UBE2QL1: variants seen among roughly 807,000 people sequenced by gnomAD.
UBE2QL1 encodes the protein ubiquitin-conjugating enzyme E2Q-like protein 1.
UBE2QL1 carries 5 observed loss-of-function variants against 12.6 expected under a neutral mutation model. That is an observed-to-expected ratio of 0.40 (90% confidence interval 0.21 to 0.83). The LOEUF is 0.83. Ranked by LOEUF, UBE2QL1 falls within the 40% of genes least tolerant of loss-of-function variation. UBE2QL1 has a pLI of 0.37. For synonymous variants in UBE2QL1, 96 were observed against 94.5 expected (o/e 1.02, Z -0.10); for missense variants, 99 against 222.6 (o/e 0.44, Z 3.53).
In UBE2QL1 at chr5:6,481,416, A is replaced by C. The variant is rs981434452; in HGVS notation, c.355-9802A>C. ...TGACATGGGTGCAGCGGCTAGGTGC[A>C]GGGAGGGTGACCTGCTCACGGGCCT... On this transcript the variant is annotated intron_variant, in intron 1 of 1. Transcript: ENST00000399816. This position sits in a 1 kb window ranked among gnomAD's most constrained non-coding sequence, Gnocchi z 4.5. 6.6e-6 allele frequency among the ~76,000 whole-genome samples: 1 copy of C among 152,214 alleles called. No individual in the cohort carries two copies. Among genetic ancestry groups the C allele is most frequent in the Non-Finnish European group, 1.5e-5 (1 of 68,036 alleles).
At chr5:6,473,450 C>T (rs1021133310) in intron 1 of UBE2QL1, among the ~76,000 whole-genome samples, 1 of 152,230 alleles carries the variant, frequency 6.6e-6, no homozygotes, top group Admixed American at 6.5e-5. Flanking sequence ...GCCCGACTGT[C>T]TCCACCCGGA....
chr5:6,461,539 C>T (rs1469303941), intron 1 of UBE2QL1, among the ~76,000 whole-genome samples: 3 of 64,032 alleles, frequency 4.7e-5, no homozygotes, highest in Non-Finnish European at 1.0e-4. Flanking sequence ...TTTCAGCACC[C>T]ACCACCCCCC....
intron 1 of UBE2QL1, 95 bp downstream of exon 1, chr5:6,449,342 C>G (rs1345472404): frequency 8.5e-7 from 1 of 1,177,058 alleles, no homozygotes; most frequent in Non-Finnish European, 1.1e-6. Flanking sequence ...CCAGCGCCGG[C>G]CCCTCCGGCC....
chr5:6,482,975 A>G (rs1282527713), intron 1 of UBE2QL1, among the ~76,000 whole-genome samples: 1 of 152,190 alleles, frequency 6.6e-6, no homozygotes, highest in Non-Finnish European at 1.5e-5. Flanking sequence ...AAAACTGCAC[A>G]TCCGTGGTTG....
At chr5:6,459,375 G>A (rs1245690982) in intron 1 of UBE2QL1, among the ~76,000 whole-genome samples, 1 of 152,172 alleles carries the variant, frequency 6.6e-6, no homozygotes, top group Non-Finnish European at 1.5e-5. Context: ...CCTGGCATCT[G>A]CCTTTTCATA....
chr5:6,473,899 G>T (rs1734155499), intron 1 of UBE2QL1, among the ~76,000 whole-genome samples: 1 of 151,664 alleles, frequency 6.6e-6, no homozygotes. Flanking sequence ...ATATACCTGG[G>T]ATTAACTTTT....
At chr5:6,451,209 A>G (rs1422635891) in intron 1 of UBE2QL1, among the ~76,000 whole-genome samples, 2 of 151,614 alleles carry the variant, frequency 1.3e-5, no homozygotes, top group Non-Finnish European at 2.9e-5. Flanking sequence ...TATATTTTGA[A>G]AGATGCGAGA....
intron 1 of UBE2QL1, among the ~76,000 whole-genome samples, chr5:6,468,701 ACTT>A (rs1739845371): frequency 6.6e-6 from 1 of 152,190 alleles, no homozygotes; most frequent in Non-Finnish European, 1.5e-5. Context: ...CTTCAATTCT[ACTT>A]CTTAGGAGAA....
chr5:6,471,234 C>T (rs1404828379), intron 1 of UBE2QL1, among the ~76,000 whole-genome samples: 1 of 152,194 alleles, frequency 6.6e-6, no homozygotes, highest in Non-Finnish European at 1.5e-5. Context: ...TTATCTCCTG[C>T]AGCATAGCCC....
rs866526913 is a variant in UBE2QL1, at chr5:6,491,214, G to T, written c.355-4G>T. The T allele has an allele frequency of 3.2e-6, 5 of 1,542,132 alleles. No homozygotes were observed. The highest frequency in any genetic ancestry group is 4.4e-6 in the Non-Finnish European group (5 of 1,143,526). On this transcript the variant is annotated splice_region_variant and splice_polypyrimidine_tract_variant and intron_variant, in intron 1 of 1. Coordinates refer to ENST00000399816, the MANE Select transcript of UBE2QL1 (RefSeq NM_001145161.3). Reference sequence around the variant, plus strand: ...AACCTGGTTTTTCTTCTCATCTCACGCAGGGACGGATCTGTAGAAAAGCTG... The same window carrying T: ...AACCTGGTTTTTCTTCTCATCTCACTCAGGGACGGATCTGTAGAAAAGCTG...
intron 1 of UBE2QL1, among the ~76,000 whole-genome samples, chr5:6,459,268 C>T (rs1739600629): frequency 6.6e-6 from 1 of 152,152 alleles, no homozygotes; most frequent in Non-Finnish European, 1.5e-5. Flanking sequence ...AAGGACATTA[C>T]CGTAAGTCAC....
chr5:6,496,168 G>GC lies in UBE2QL1; in HGVS notation c.*4824dup, dbSNP rs971199860. Among the ~76,000 whole-genome samples, 2 of 152,188 alleles carry GC rather than the reference G, an allele frequency of 1.3e-5. No individual in the cohort carries two copies. The highest frequency in any genetic ancestry group is 2.9e-5 in the Non-Finnish European group (2 of 68,036). On this transcript the variant is annotated 3_prime_UTR_variant, in exon 2 of 2. Transcript: ENST00000399816. ...GGAGGGATAAAGAGATCCCTGCACT[G>GC]CCCCCAACCGCCAATTCACCCTGTG...
chr5:6,469,034 G>C (rs539932822), intron 1 of UBE2QL1, among the ~76,000 whole-genome samples: 1 of 152,320 alleles, frequency 6.6e-6, no homozygotes, highest in East Asian at 1.9e-4. Context: ...CCAGCCCGCC[G>C]CCTCTGCATC....
At chr5:6,456,452 T>C (rs761599806) in intron 1 of UBE2QL1, among the ~76,000 whole-genome samples, 42 of 152,150 alleles carry the variant, frequency 2.8e-4, no homozygotes, top group Non-Finnish European at 5.3e-4. Context: ...TGCTGATAAA[T>C]GGAAAGGCCA....
chr5:6,449,594 C>T (rs1203536256), intron 1 of UBE2QL1, among the ~76,000 whole-genome samples: 2 of 151,992 alleles, frequency 1.3e-5, no homozygotes, highest in African/African-American at 2.4e-5. Flanking sequence ...CTTAGCCTCC[C>T]TCTCCCATAC....
intron 1 of UBE2QL1, among the ~76,000 whole-genome samples, chr5:6,482,869 G>A (rs557072930): frequency 9.5e-4 from 144 of 152,292 alleles, no homozygotes; most frequent in Admixed American, 2.0e-3. Context: ...CAGCTCCAGC[G>A]TCAGCAGGGC....
rs768975053 is a variant in UBE2QL1 at position 6,450,086 on chromosome 5, A to AC, written c.354+851dup. The stretch of plus-strand genomic sequence containing the variant: ...GCATTCCCTTAAGAGACAAGACCAG[A>AC]CCCCCCCCCCCCACGGCAATGCCTG... On this transcript the variant is annotated intron_variant, in intron 1 of 1. Coordinates refer to ENST00000399816, the MANE Select transcript of UBE2QL1 (RefSeq NM_001145161.3). 3.1e-3 allele frequency among the ~76,000 whole-genome samples: 323 copies of AC among 104,384 alleles called. 1 individual carries two copies. Among genetic ancestry groups the AC allele is most frequent in the African/African-American group, 7.3e-3 (211 of 28,798 alleles). The allele number at this position is 104,384 out of a possible 152,430, so 68.5% of individuals were successfully genotyped here. A position where few individuals can be genotyped will look rare whatever the true frequency, so the allele number is the denominator to read the frequency against.
chr5:6,472,353 C>T (rs548320304), intron 1 of UBE2QL1, among the ~76,000 whole-genome samples: 200 of 152,254 alleles, frequency 1.3e-3, no homozygotes, highest in African/African-American at 4.6e-3. Context: ...GCACGAGCCT[C>T]GGTATGTGGA....
intron 1 of UBE2QL1, among the ~76,000 whole-genome samples, chr5:6,461,156 A>G (rs1275769109): frequency 6.6e-6 from 1 of 152,236 alleles, no homozygotes; most frequent in African/African-American, 2.4e-5. Context: ...TTTCTCAGAA[A>G]CACCTGTGAT....
Sources: allele counts gnomAD v4.1 joint callset (sites outside exome capture counted in the v4.1 genomes callset), GRCh38; gene constraint gnomAD v4.1.1; non-coding constraint Gnocchi (gnomAD v3.1); transcripts MANE v1.5; gene names NCBI Gene and HGNC (gene_info 2026-07-23, HGNC 2026-07-21).